Variants in GRID2 observed in about 807,000 individuals in gnomAD.
GRID2 encodes glutamate ionotropic receptor delta type subunit 2.
A neutral mutation model predicts 114.8 loss-of-function variants in GRID2; 33 were observed. The ratio of observed to expected loss-of-function variants is 0.29; its 90% confidence interval spans 0.22 to 0.38. The LOEUF is 0.38. Ranked by LOEUF, GRID2 falls within the 10% of genes least tolerant of loss-of-function variation. The pLI is 1.00. For missense variants in GRID2, 1,184 were observed against 1,257.7 expected, an observed-to-expected ratio of 0.94 and a Z score of 0.89; for synonymous variants, 505 against 449.9, an observed-to-expected ratio of 1.12 and a Z score of -1.55.
chr4:93,675,728 G>T (rs1015032893), intron 14 of GRID2, among the ~76,000 whole-genome samples: 3 of 152,104 alleles, frequency 2.0e-5, no homozygotes, highest in African/African-American at 7.2e-5. Context: ...GGGGAAAATG[G>T]CCTGTTTCTC....
At chr4:93,039,807 T>C (rs1386934013) in intron 2 of GRID2, among the ~76,000 whole-genome samples, 1 of 152,202 alleles carries the variant, frequency 6.6e-6, no homozygotes, top group African/African-American at 2.4e-5. Flanking sequence ...CATGGGTTAA[T>C]AACAATACTC....
chr4:93,122,340 G>A (rs901692019), intron 4 of GRID2, among the ~76,000 whole-genome samples: 1 of 152,150 alleles, frequency 6.6e-6, no homozygotes, highest in East Asian at 1.9e-4. Context: ...AGATCAGTGT[G>A]TCTAAATGGA....
intron 2 of GRID2, among the ~76,000 whole-genome samples, chr4:92,834,822 A>C (rs763031768): frequency 1.3e-5 from 2 of 152,070 alleles, no homozygotes; most frequent in Non-Finnish European, 2.9e-5. Flanking sequence ...TGTGATGGGG[A>C]TGGAGAATAA....
intron 13 of GRID2, among the ~76,000 whole-genome samples, chr4:93,570,186 C>T (rs1424802466): frequency 6.6e-6 from 1 of 152,128 alleles, no homozygotes. Context: ...CACAGTCACA[C>T]AAGGTCACTC....
At chr4:93,549,200 CA>C (rs1733529361) in intron 13 of GRID2, among the ~76,000 whole-genome samples, 1 of 152,132 alleles carries the variant, frequency 6.6e-6, no homozygotes. Context: ...ACCAAGATCG[CA>C]CTATTTTTAT....
intron 13 of GRID2, among the ~76,000 whole-genome samples, chr4:93,518,382 T>G (rs924821301): frequency 2.0e-5 from 3 of 152,012 alleles, no homozygotes; most frequent in Non-Finnish European, 4.4e-5. Context: ...TAGACAAATT[T>G]TTTTTTCTGC....
intron 2 of GRID2, among the ~76,000 whole-genome samples, chr4:93,008,410 C>A (rs936719548): frequency 6.6e-6 from 1 of 151,996 alleles, no homozygotes; most frequent in African/African-American, 2.4e-5. Flanking sequence ...GAAGTAACAG[C>A]CTTTGAAGTC....
intron 8 of GRID2, among the ~76,000 whole-genome samples, chr4:93,243,652 T>G (rs1242648565): frequency 6.6e-6 from 1 of 152,082 alleles, no homozygotes; most frequent in Non-Finnish European, 1.5e-5. Flanking sequence ...GGACTAGTCT[T>G]TGCTCTCTTG....
At chr4:92,996,337 G>T (rs546099566) in intron 2 of GRID2, among the ~76,000 whole-genome samples, 1 of 151,270 alleles carries the variant, frequency 6.6e-6, no homozygotes, top group South Asian at 2.1e-4. Context: ...ATCTTATTTC[G>T]ATGTTTGCTA....
intron 2 of GRID2, among the ~76,000 whole-genome samples, chr4:92,863,813 T>C (rs1744687419): frequency 1.3e-5 from 2 of 152,134 alleles, no homozygotes; most frequent in Admixed American, 6.6e-5. Context: ...GTCAGTGTAG[T>C]TATGGTGCCC....
chr4:93,298,184 T>C (rs1288652483), intron 8 of GRID2, among the ~76,000 whole-genome samples: 1 of 152,222 alleles, frequency 6.6e-6, no homozygotes, highest in Non-Finnish European at 1.5e-5. Flanking sequence ...ACCATGAATC[T>C]AGCAGTTGTT....
At chr4:92,631,966 T>C (rs1029921754) in intron 2 of GRID2, among the ~76,000 whole-genome samples, 3 of 152,328 alleles carry the variant, frequency 2.0e-5, no homozygotes, top group Admixed American at 2.0e-4. Context: ...TGTAATCAAC[T>C]ACAAATAATG....
At chr4:93,078,235 T>C (rs1457241971) in intron 2 of GRID2, among the ~76,000 whole-genome samples, 1 of 152,158 alleles carries the variant, frequency 6.6e-6, no homozygotes, top group African/African-American at 2.4e-5. Context: ...TCCACTTAAT[T>C]AGTTCCTACT....
intron 2 of GRID2, among the ~76,000 whole-genome samples, chr4:92,880,926 G>A (rs1400598001): frequency 6.6e-6 from 1 of 151,706 alleles, no homozygotes; most frequent in Non-Finnish European, 1.5e-5. Flanking sequence ...GCTTGAGACT[G>A]AGTCTCACTC....
chr4:93,508,814 A>G (rs1728894773), intron 12 of GRID2, among the ~76,000 whole-genome samples: 1 of 152,216 alleles, frequency 6.6e-6, no homozygotes. Context: ...TGAAATGTGA[A>G]CATATTCCAA....
chr4:92,336,098 A>T (rs1236302263), intron 1 of GRID2, among the ~76,000 whole-genome samples: 1 of 152,184 alleles, frequency 6.6e-6, no homozygotes, highest in East Asian at 1.9e-4. Context: ...TGTCTATGTT[A>T]TACAAGTACA....
chr4:93,801,411 A>G (rs1049733917), intron 1 of GRID2, among the ~76,000 whole-genome samples: 2 of 152,088 alleles, frequency 1.3e-5, no homozygotes, highest in Non-Finnish European at 2.9e-5. Context: ...TTTCAGTTCC[A>G]AGTTCTAATT....
chr4:92,703,342 C>A (rs1034971107), intron 2 of GRID2, among the ~76,000 whole-genome samples: 8 of 151,840 alleles, frequency 5.3e-5, no homozygotes, highest in Non-Finnish European at 1.2e-4. Flanking sequence ...GGAAAGAGTT[C>A]AAAGGGAAAG....
At chr4:92,813,827 C>G (rs1363725850) in intron 2 of GRID2, among the ~76,000 whole-genome samples, 1 of 152,020 alleles carries the variant, frequency 6.6e-6, no homozygotes, top group African/African-American at 2.4e-5. Flanking sequence ...GTTTAGCTTA[C>G]CAGTGTCTAT....
Sources: allele counts gnomAD v4.1 joint callset (sites outside exome capture counted in the v4.1 genomes callset), GRCh38; gene constraint gnomAD v4.1.1; transcripts MANE v1.5; gene names NCBI Gene and HGNC (gene_info 2026-07-23, HGNC 2026-07-21).